EFHC2: variants seen among roughly 807,000 people sequenced by gnomAD.
EFHC2 encodes EF-hand domain-containing family member C2.
A neutral mutation model predicts 52.7 loss-of-function variants in EFHC2; 18 were observed. That is an observed-to-expected ratio of 0.34 (90% confidence interval 0.24 to 0.51). The LOEUF is 0.51. Among genes scored for constraint, EFHC2 ranks in the 20% least tolerant of loss-of-function variants. EFHC2 has a pLI of 0.97. For synonymous variants in EFHC2, 203 were observed against 204.1 expected, an observed-to-expected ratio of 0.99 and a Z score of 0.04; for missense variants, 513 against 562.5, an observed-to-expected ratio of 0.91 and a Z score of 0.89.
chrX:44,272,067 T>C (rs947192448), intron 3 of EFHC2, among the ~76,000 whole-genome samples: 26 of 112,175 alleles, frequency 2.3e-4, no homozygotes, highest in African/African-American at 7.1e-4. Flanking sequence ...GTCATCTCCA[T>C]TGATCTCTGC....
chrX:44,273,618 C>T (rs2037633269), intron 2 of EFHC2, among the ~76,000 whole-genome samples: 1 of 111,786 alleles, frequency 8.9e-6, no homozygotes, highest in African/African-American at 3.3e-5. Flanking sequence ...TTTCTTTATG[C>T]TTAGGTGCCA....
intron 11 of EFHC2, among the ~76,000 whole-genome samples, chrX:44,207,285 G>A (rs914402133): frequency 4.5e-5 from 5 of 111,903 alleles, no homozygotes; most frequent in Non-Finnish European, 9.4e-5. Context: ...GCAGAGGTGG[G>A]CAGATCACCT....
At chrX:44,313,095 C>CAAA (rs1276344069) in intron 1 of EFHC2, among the ~76,000 whole-genome samples, 6 of 50,065 alleles carry the variant, frequency 1.2e-4, no homozygotes, top group South Asian at 2.0e-3. Context: ...ATGCAAACAG[C>CAAA]AAAAAAAAAA....
chrX:44,307,046 A>AG (rs1296981455), intron 2 of EFHC2, among the ~76,000 whole-genome samples: 2 of 110,913 alleles, frequency 1.8e-5, no homozygotes, highest in Non-Finnish European at 3.8e-5. Flanking sequence ...CTTAGGGGAA[A>AG]GGGGCCAGTG....
At chrX:44,266,883 T>C (rs1031062639) in intron 3 of EFHC2, among the ~76,000 whole-genome samples, 3 of 111,315 alleles carry the variant, frequency 2.7e-5, no homozygotes, top group African/African-American at 9.8e-5. Flanking sequence ...CAGATTATCT[T>C]AGAGTATTAA....
In EFHC2 at chrX:44,248,378, A is replaced by G; in HGVS notation, c.1005T>C (p.Asp335=). ...LGKVDQEFYK[D]SDLSLGVTIN... ...TGGTGACTCCTAGGGACAGGTCACT[A>G]TCTTTGTAAAACTCTTGGTCTACTT... The change falls in exon 7 of 15, where the codon GAT becomes GAC. Residue 335 remains aspartate (D), a synonymous_variant. Transcript: ENST00000420999. 1.7e-6 allele frequency: 2 copies of G among 1,186,513 alleles called. No individual in the cohort carries two copies. The highest frequency in any genetic ancestry group is 2.3e-6 in the Non-Finnish European group (2 of 882,030).
intron 10 of EFHC2, among the ~76,000 whole-genome samples, chrX:44,230,215 T>C (rs759572973): frequency 1.8e-5 from 2 of 111,563 alleles, no homozygotes; most frequent in Non-Finnish European, 3.8e-5. Flanking sequence ...GGCAACGCAC[T>C]GATGAGAGCA....
intron 2 of EFHC2, among the ~76,000 whole-genome samples, chrX:44,301,109 C>CA (rs777876518): frequency 0.06 from 2,529 of 42,420 alleles, 60 homozygotes; most frequent in Middle Eastern, 0.13. Context: ...GACTCTATCT[C>CA]AAAAAAAAAA....
intron 11 of EFHC2, among the ~76,000 whole-genome samples, chrX:44,217,265 T>G (rs1216584457): frequency 1.8e-5 from 2 of 111,382 alleles, no homozygotes; most frequent in Non-Finnish European, 3.8e-5. Flanking sequence ...CCTTGTACAC[T>G]GCTGGTGGGA....
chrX:44,181,952 T>C (rs923315351), intron 11 of EFHC2, among the ~76,000 whole-genome samples: 1 of 112,648 alleles, frequency 8.9e-6, no homozygotes, highest in Non-Finnish European at 1.9e-5. Context: ...AAAATACACA[T>C]AGCATAAAAT....
At chrX:44,262,512 CAAAAAAAAAAAA>C (rs749239313) in intron 3 of EFHC2, among the ~76,000 whole-genome samples, 1 of 29,209 alleles carries the variant, frequency 3.4e-5, no homozygotes, top group Admixed American at 3.9e-4. Context: ...AGCCCTGTCT[CAAAAAAAAAAAA>C]AAAAAAAAAA....
intron 2 of EFHC2, among the ~76,000 whole-genome samples, chrX:44,283,213 G>T (rs1472698703): frequency 1.8e-5 from 2 of 110,653 alleles, no homozygotes; most frequent in Non-Finnish European, 1.9e-5. Context: ...GACAGAGTCT[G>T]GCTCTGTCCC....
At position 44,148,791 on chromosome X, in the gene EFHC2, A is replaced by C. The variant is rs1245930445; in HGVS notation, c.*4T>G. ...TCATAGAGAATTGACCAAAACTGGC[A>C]TGGTTATTCCTCCTCTAAGCCAAAC... On this transcript the variant is annotated 3_prime_UTR_variant, in exon 15 of 15. Transcript: ENST00000420999. The C allele has an allele frequency of 8.5e-7, 1 of 1,170,350 alleles. No individual in the cohort carries two copies. Among genetic ancestry groups the C allele is most frequent in the African/African-American group, 1.8e-5 (1 of 56,275 alleles).
chrX:44,200,407 T>TA (rs1443024731), intron 11 of EFHC2, among the ~76,000 whole-genome samples: 1 of 111,047 alleles, frequency 9.0e-6, no homozygotes, highest in African/African-American at 3.3e-5. Flanking sequence ...TTATGATGTT[T>TA]AAAATTATTA....
At chrX:44,164,613 T>C (rs2036682530) in intron 13 of EFHC2, among the ~76,000 whole-genome samples, 2 of 111,954 alleles carry the variant, frequency 1.8e-5, no homozygotes, top group Non-Finnish European at 3.8e-5. Flanking sequence ...TAAAACAGTA[T>C]GTAGAGTTAC....
intron 4 of EFHC2, among the ~76,000 whole-genome samples, chrX:44,259,132 G>C (rs1344295932): frequency 2.7e-5 from 3 of 111,803 alleles, no homozygotes; most frequent in African/African-American, 9.8e-5. Context: ...CAATAGCAAA[G>C]ACTTGGAACC....
At chrX:44,299,121 T>G (rs942274154) in intron 2 of EFHC2, among the ~76,000 whole-genome samples, 2 of 110,116 alleles carry the variant, frequency 1.8e-5, no homozygotes, top group Middle Eastern at 9.3e-3. Context: ...CCAAATAAAG[T>G]TTGCGGTTTA....
chrX:44,277,268 A>C (rs1350789309), intron 2 of EFHC2, among the ~76,000 whole-genome samples: 1 of 106,862 alleles, frequency 9.4e-6, no homozygotes, highest in Admixed American at 1.0e-4. Context: ...CAAAAAAAAA[A>C]AAAAAAAAAA....
chrX:44,264,442 G>A (rs754041701), intron 3 of EFHC2, among the ~76,000 whole-genome samples: 2 of 111,900 alleles, frequency 1.8e-5, no homozygotes, highest in Non-Finnish European at 3.8e-5. Flanking sequence ...CCTCTCCCAG[G>A]AGCCTGCAGA....
Sources: allele counts gnomAD v4.1 joint callset (sites outside exome capture counted in the v4.1 genomes callset), GRCh38; gene constraint gnomAD v4.1.1; transcripts MANE v1.5; gene names NCBI Gene and HGNC (gene_info 2026-07-23, HGNC 2026-07-21).